Variants in TMEM222 observed in about 807,000 individuals in gnomAD.
TMEM222 encodes the protein chromosome 1 open reading frame 160.
A neutral mutation model predicts 25.1 loss-of-function variants in TMEM222; 18 were observed. The observed-to-expected ratio is 0.72, with a 90% CI of 0.50 to 1.06. The LOEUF is 1.06. Ranked by LOEUF, TMEM222 falls within the 50% of genes least tolerant of loss-of-function variation. The pLI, the probability that TMEM222 is intolerant of heterozygous loss-of-function variation, is 0.00. For synonymous variants in TMEM222, 131 were observed against 117.9 expected (o/e 1.11, Z -0.72); for missense variants, 296 against 293.7 (o/e 1.01, Z -0.06).
chr1:27,325,475 G>A, intron 1 of TMEM222: 1 of 1,432,148 alleles, frequency 7.0e-7, no homozygotes. Flanking sequence ...TCCTGGGTAT[G>A]GAATCTTGCG....
intron 3 of TMEM222, chr1:27,333,125 G>A (rs755535456): frequency 2.8e-6 from 1 of 352,626 alleles, no homozygotes; most frequent in Non-Finnish European, 5.7e-6. Flanking sequence ...GAGAGTGCTT[G>A]CTGCTGGGTA....
In TMEM222 at chr1:27,327,643, C is replaced by T. The variant is rs950055571; in HGVS notation, c.195-3077C>T. On this transcript the variant is annotated intron_variant, in intron 1 of 5. Coordinates refer to ENST00000374076, the MANE Select transcript of TMEM222 (RefSeq NM_032125.3). Reference sequence around the variant, plus strand: ...ACCTCAAGTCATCCACCGGCCTCTGCCTCCCAAAGTGCTGGGATTACAGGC... The same window carrying T: ...ACCTCAAGTCATCCACCGGCCTCTGTCTCCCAAAGTGCTGGGATTACAGGC... Among the ~76,000 whole-genome samples, 9 of 152,354 alleles carry T rather than the reference C, an allele frequency of 5.9e-5. 1 individual carries two copies. Among genetic ancestry groups the T allele is most frequent in the African/African-American group, 2.2e-4 (9 of 41,582 alleles).
intron 1 of TMEM222, among the ~76,000 whole-genome samples, chr1:27,323,920 T>C (rs1217949956): frequency 6.6e-6 from 1 of 152,260 alleles, no homozygotes; most frequent in African/African-American, 2.4e-5. Context: ...ATATGGTCTT[T>C]AGACTTTTGA....
intron 3 of TMEM222, chr1:27,332,828 G>A: frequency 4.9e-6 from 2 of 404,118 alleles, no homozygotes; most frequent in Non-Finnish European, 9.2e-6. Flanking sequence ...GGGCCACCAG[G>A]TGTTCGCTGC....
At chr1:27,334,689 T>G in intron 5 of TMEM222, 1 of 1,384,006 alleles carries the variant, frequency 7.2e-7, no homozygotes, top group East Asian at 3.8e-5. Flanking sequence ...GCAGAGAGAT[T>G]GAGTGAGTCG....
intron 1 of TMEM222, chr1:27,325,785 A>T (rs2014330934): frequency 1.2e-6 from 1 of 805,332 alleles, no homozygotes; most frequent in African/African-American, 1.7e-5. Context: ...CGTCCACCGC[A>T]AATGCTTCTA....
At chr1:27,334,542 C>G (rs970825209) in intron 5 of TMEM222, 3 of 1,434,314 alleles carry the variant, frequency 2.1e-6, no homozygotes, top group Middle Eastern at 1.9e-4. Flanking sequence ...GCCTTGGTCT[C>G]TCTTAGCCAC....
At chr1:27,322,522 C>A in intron 1 of TMEM222, 131 bp downstream of exon 1, 2 of 840,292 alleles carry the variant, frequency 2.4e-6, no homozygotes, top group African/African-American at 1.8e-5. Flanking sequence ...CTCGCCCAGT[C>A]ACCAGAACCC....
In TMEM222 at chr1:27,335,696, C is replaced by A; in HGVS notation, c.*230C>A. 1 of 574,706 alleles carries A rather than the reference C, an allele frequency of 1.7e-6. No individual in the cohort carries two copies. Among genetic ancestry groups the A allele is most frequent in the Admixed American group, 3.0e-5 (1 of 33,178 alleles). The allele number at this position is 574,706 out of a possible 1,614,324, so 35.6% of individuals were successfully genotyped here. A position where few individuals can be genotyped will look rare whatever the true frequency, so the allele number is the denominator to read the frequency against. Reference sequence around the variant, plus strand: ...CCCCTCCTCCCCAGGCCTGTGACTCCGGCCCTGGAAGCCCCTTTGTTCTTC... The same window carrying A: ...CCCCTCCTCCCCAGGCCTGTGACTCAGGCCCTGGAAGCCCCTTTGTTCTTC... On this transcript the variant is annotated 3_prime_UTR_variant, in exon 6 of 6. Coordinates refer to ENST00000374076, the MANE Select transcript of TMEM222 (RefSeq NM_032125.3).
intron 1 of TMEM222, among the ~76,000 whole-genome samples, chr1:27,327,163 G>A (rs1318855224): frequency 2.0e-5 from 3 of 152,038 alleles, no homozygotes; most frequent in Non-Finnish European, 4.4e-5. Context: ...TGAACACCTC[G>A]AGATGACAAC....
intron 3 of TMEM222, chr1:27,332,634 G>A: frequency 1.5e-6 from 1 of 658,974 alleles, no homozygotes; most frequent in Non-Finnish European, 2.8e-6. Context: ...CTCAGCTGTG[G>A]GCCTGGTGAG....
intron 1 of TMEM222, among the ~76,000 whole-genome samples, chr1:27,322,676 G>C (rs2014235321): frequency 6.6e-6 from 1 of 152,198 alleles, no homozygotes; most frequent in African/African-American, 2.4e-5. Flanking sequence ...GTGTAGAAGA[G>C]GGAGCCCCTT....
At chr1:27,327,614 C>T (rs1040722687) in intron 1 of TMEM222, among the ~76,000 whole-genome samples, 1 of 152,210 alleles carries the variant, frequency 6.6e-6, no homozygotes, top group Non-Finnish European at 1.5e-5. Flanking sequence ...GTCTCGAACT[C>T]CTGACCTCAA....
chr1:27,329,605 G>A (rs960673846), intron 1 of TMEM222, among the ~76,000 whole-genome samples: 2 of 152,072 alleles, frequency 1.3e-5, no homozygotes, highest in Non-Finnish European at 2.9e-5. Flanking sequence ...CTTATTCATC[G>A]TACTGTTGTT....
At chr1:27,323,347 G>A (rs1333602631) in intron 1 of TMEM222, among the ~76,000 whole-genome samples, 1 of 152,236 alleles carries the variant, frequency 6.6e-6, no homozygotes, top group African/African-American at 2.4e-5. Context: ...CAGTGGTGAT[G>A]TGGAGAAGGG....
rs761228363 is a variant in TMEM222, at chr1:27,335,360, G to A, written c.540-19G>A. The A allele has an allele frequency of 3.7e-6, 6 of 1,613,524 alleles. No individual in the cohort carries two copies. Among genetic ancestry groups the A allele is most frequent in the East Asian group, 2.2e-5 (1 of 44,876 alleles). The stretch of plus-strand genomic sequence containing the variant: ...CACCAGGCCCTGCCCACCTATGCTC[G>A]CTCCTTTCTCTCTGTCAGCGTTGGG... On this transcript the variant is annotated intron_variant, in intron 5 of 5. Coordinates refer to ENST00000374076, the MANE Select transcript of TMEM222 (RefSeq NM_032125.3).
chr1:27,333,972 A>G lies in TMEM222; in HGVS notation c.326A>G (p.Asp109Gly). Reference sequence around the variant, plus strand: ...TCTCCCCCCAGGTACTGGAAGTTGGACCCTGCTCAGGTCTATGCTAGCGGG... The same window carrying G: ...TCTCCCCCCAGGTACTGGAAGTTGGGCCCTGCTCAGGTCTATGCTAGCGGG... ...FGKPAKYWKL[D>G]PAQVYASGPN... The change falls in exon 4 of 6, where the codon GAC becomes GGC. Residue 109 changes from aspartate to glycine, a missense_variant. Physicochemically the swap from Asp to Gly is moderately conservative, Grantham distance 94. Coordinates refer to ENST00000374076, the MANE Select transcript of TMEM222 (RefSeq NM_032125.3). The G allele has an allele frequency of 1.2e-6, 2 of 1,613,896 alleles. No individual in the cohort carries two copies. Among genetic ancestry groups the G allele is most frequent in the Non-Finnish European group, 1.7e-6 (2 of 1,179,870 alleles).
chr1:27,328,544 C>T (rs139385641), intron 1 of TMEM222, among the ~76,000 whole-genome samples: 1 of 152,306 alleles, frequency 6.6e-6, no homozygotes, highest in East Asian at 1.9e-4. Flanking sequence ...GTAAACTCTC[C>T]AGTCTTCATT....
Position 27,323,423 on chromosome 1 carries a change from C to G in TMEM222, c.194+1032C>G, listed in dbSNP as rs1313812966. Among the ~76,000 whole-genome samples, 5 of 152,312 alleles carry G rather than the reference C, an allele frequency of 3.3e-5. No individual in the cohort carries two copies. In the East Asian group the frequency reaches 5.8e-4, roughly 18 times the overall value. On this transcript the variant is annotated intron_variant, in intron 1 of 5. Transcript: ENST00000374076. ...GTAGTTTTTGAATTATGTTAAAATA[C>G]TTGAATTATTTTGTGTTTTCAAGTA...
Sources: gnomAD v4.1 joint callset for allele counts (sites outside exome capture counted in the v4.1 genomes callset) on GRCh38, gnomAD v4.1.1 for gene constraint, MANE v1.5 for transcripts, NCBI Gene and HGNC (gene_info 2026-07-23, HGNC 2026-07-21) for gene names.